The following CDC42BPA variants were observed in gnomAD, a reference collection of about 807,000 sequenced individuals.
The protein encoded by CDC42BPA is CDC42 binding protein kinase alpha.
CDC42BPA carries 80 observed loss-of-function variants against 223.5 expected under a neutral mutation model. That is an observed-to-expected ratio of 0.36 (90% CI 0.30 to 0.43). The LOEUF is 0.43. Among genes scored for constraint, CDC42BPA ranks in the 20% least tolerant of loss-of-function variants. The pLI is 1.00. For synonymous variants in CDC42BPA, 694 were observed against 718.6 expected, an observed-to-expected ratio of 0.97 and a Z score of 0.55; for missense variants, 1,743 against 2,099.9, an observed-to-expected ratio of 0.83 and a Z score of 3.32.
At chr1:227,290,306 C>T (rs1387668557) in intron 1 of CDC42BPA, among the ~76,000 whole-genome samples, 1 of 152,122 alleles carries the variant, frequency 6.6e-6, no homozygotes, top group African/African-American at 2.4e-5. Flanking sequence ...AGCCTTTCTA[C>T]TCCCCACACC....
chr1:227,081,842 T>A (rs1307296451), intron 16 of CDC42BPA, among the ~76,000 whole-genome samples: 4 of 152,206 alleles, frequency 2.6e-5, no homozygotes, highest in African/African-American at 9.6e-5. Context: ...TATCACTGTA[T>A]GTATCTCTAA....
chr1:227,110,799 G>A (rs1189789158), intron 14 of CDC42BPA, among the ~76,000 whole-genome samples: 2 of 152,210 alleles, frequency 1.3e-5, no homozygotes, highest in Non-Finnish European at 2.9e-5. Flanking sequence ...AATTCATGAT[G>A]AACTAAAACT....
intron 10 of CDC42BPA, among the ~76,000 whole-genome samples, chr1:227,133,981 A>AAATAAATAAAT: frequency 6.6e-6 from 1 of 151,348 alleles, no homozygotes; most frequent in Non-Finnish European, 1.5e-5. Context: ...ATGAATAAAT[A>AAATAAATAAAT]AATAAATAAA....
chr1:227,017,266 C>T (rs1473484289), intron 32 of CDC42BPA, among the ~76,000 whole-genome samples: 1 of 152,146 alleles, frequency 6.6e-6, no homozygotes, highest in South Asian at 2.1e-4. Context: ...AATATACTTT[C>T]ACTTTTACTT....
In CDC42BPA at chr1:227,096,379, A is replaced by G. The variant is rs561300763; in HGVS notation, c.2250-4388T>C. Among the ~76,000 whole-genome samples, 3 of 151,894 alleles carry G rather than the reference A, an allele frequency of 2.0e-5. No individual in the cohort carries two copies. The South Asian group carries it at 6.2e-4, about 32-fold the overall frequency. Reference sequence around the variant, plus strand: ...TCTCTTCCATATTAAAAATAAAGAAACTCTCCCCATACCCTGTGTCACAAT... The same window carrying G: ...TCTCTTCCATATTAAAAATAAAGAAGCTCTCCCCATACCCTGTGTCACAAT... On this transcript the variant is annotated intron_variant, in intron 15 of 36. Transcript: ENST00000366766.
In CDC42BPA at chr1:227,064,894, A is replaced by G. The variant is rs562257165; in HGVS notation, c.2904+4883T>C. Among the ~76,000 whole-genome samples the G allele has an allele frequency of 2.5e-3, 387 of 152,156 alleles. 1 individual carries two copies. The highest frequency in any genetic ancestry group is 8.6e-3 in the African/African-American group (356 of 41,510). ...GGGCAGATCACGAAGTCAGGAGATCAAGACCATCCTGGCTAACACGGTGAA... is the reference window on the plus strand; with the variant it reads ...GGGCAGATCACGAAGTCAGGAGATCGAGACCATCCTGGCTAACACGGTGAA... On this transcript the variant is annotated intron_variant, in intron 21 of 36. Transcript: ENST00000366766.
chr1:227,152,469 G>A (rs1163804348), intron 6 of CDC42BPA, among the ~76,000 whole-genome samples: 2 of 151,966 alleles, frequency 1.3e-5, no homozygotes, highest in African/African-American at 4.8e-5. Context: ...TAGGGAATGT[G>A]GCAGAAAAAC....
At chr1:227,294,557 C>T (rs1690277429) in intron 1 of CDC42BPA, among the ~76,000 whole-genome samples, 1 of 151,642 alleles carries the variant, frequency 6.6e-6, no homozygotes, top group African/African-American at 2.4e-5. Flanking sequence ...GAGAAAGAAA[C>T]TGAAGCAAAA....
intron 23 of CDC42BPA, among the ~76,000 whole-genome samples, chr1:227,042,016 G>A (rs1572432462): frequency 6.6e-6 from 1 of 152,006 alleles, no homozygotes; most frequent in Non-Finnish European, 1.5e-5. Flanking sequence ...TTAATTTTTG[G>A]CTCTTTGAGA....
At chr1:227,261,931 C>T (rs1684156869) in intron 1 of CDC42BPA, among the ~76,000 whole-genome samples, 1 of 152,042 alleles carries the variant, frequency 6.6e-6, no homozygotes, top group African/African-American at 2.4e-5. Flanking sequence ...GTAAAGAAAT[C>T]CTCTGCCAAG....
chr1:227,060,252 C>T (rs1190519793), intron 21 of CDC42BPA, among the ~76,000 whole-genome samples: 2 of 151,838 alleles, frequency 1.3e-5, no homozygotes, highest in African/African-American at 2.4e-5. Flanking sequence ...AGGATGGTCT[C>T]GATCTCCTGA....
intron 2 of CDC42BPA, among the ~76,000 whole-genome samples, chr1:227,247,755 ACCTGT>A: frequency 6.6e-6 from 1 of 151,084 alleles, no homozygotes; most frequent in South Asian, 2.1e-4. Context: ...CGTGGTATGC[ACCTGT>A]AGTCCCAGCT....
At chr1:227,237,219 T>G (rs1679208386) in intron 2 of CDC42BPA, among the ~76,000 whole-genome samples, 1 of 136,234 alleles carries the variant, frequency 7.3e-6, no homozygotes, top group Non-Finnish European at 1.6e-5. Flanking sequence ...AAATGATTCA[T>G]GGAACTTGCA....
chr1:227,001,274 T>G (rs889414808), intron 35 of CDC42BPA, among the ~76,000 whole-genome samples: 2 of 152,318 alleles, frequency 1.3e-5, no homozygotes, highest in South Asian at 2.1e-4. Flanking sequence ...CAGGAGGCAC[T>G]CTAAACACCA....
chr1:227,168,854 G>A (rs1276808953), intron 5 of CDC42BPA, among the ~76,000 whole-genome samples: 1 of 151,970 alleles, frequency 6.6e-6, no homozygotes, highest in African/African-American at 2.4e-5. Flanking sequence ...TCAAATTTGA[G>A]GCCATTATTT....
At chr1:227,132,059 C>A (rs1360598033) in intron 10 of CDC42BPA, among the ~76,000 whole-genome samples, 5 of 148,910 alleles carry the variant, frequency 3.4e-5, no homozygotes, top group African/African-American at 1.2e-4. Context: ...AACTCTCTCT[C>A]ATGTGAAAAA....
intron 6 of CDC42BPA, among the ~76,000 whole-genome samples, chr1:227,160,327 A>G (rs953015014): frequency 2.0e-5 from 3 of 152,218 alleles, no homozygotes; most frequent in Non-Finnish European, 2.9e-5. Flanking sequence ...ATCAATCTTA[A>G]GATCACTGAT....
At chr1:227,265,328 C>A in intron 1 of CDC42BPA, 1 of 388,890 alleles carries the variant, frequency 2.6e-6, no homozygotes, top group Non-Finnish European at 4.8e-6. Context: ...GGTACCTATA[C>A]CTCATAACCC....
chr1:227,281,614 T>G (rs753012878), intron 1 of CDC42BPA, among the ~76,000 whole-genome samples: 1 of 152,016 alleles, frequency 6.6e-6, no homozygotes, highest in Non-Finnish European at 1.5e-5. Flanking sequence ...GAGCCAGAGG[T>G]AGTGGGACCT....
Sources: allele counts gnomAD v4.1 joint callset (sites outside exome capture counted in the v4.1 genomes callset), GRCh38; gene constraint gnomAD v4.1.1; transcripts MANE v1.5; gene names NCBI Gene and HGNC (gene_info 2026-07-23, HGNC 2026-07-21).